The following FAHD2B variants were observed in gnomAD, a reference collection of about 807,000 sequenced individuals.
FAHD2B encodes oxaloacetate tautomerase FAHD2B, mitochondrial.
FAHD2B carries 26 observed loss-of-function variants against 33.7 expected under a neutral mutation model. The ratio of observed to expected loss-of-function variants is 0.77; its 90% CI spans 0.57 to 1.07. The LOEUF (loss-of-function observed/expected upper bound fraction) is 1.07. Among genes scored for constraint, FAHD2B ranks in the 50% least tolerant of loss-of-function variants. The pLI, the probability that FAHD2B is intolerant of heterozygous loss-of-function variation, is 0.00. For synonymous variants in FAHD2B, 108 were observed against 150.9 expected (o/e 0.72, Z 2.08); for missense variants, 272 against 388.1 (o/e 0.70, Z 2.51).
intron 1 of FAHD2B, among the ~76,000 whole-genome samples, chr2:97,092,527 C>G (rs1254821134): frequency 6.6e-6 from 1 of 152,138 alleles, no homozygotes; most frequent in Non-Finnish European, 1.5e-5. Flanking sequence ...AGCACTGTGC[C>G]TGGTGCACAG....
At position 97,084,325 on chromosome 2, in the gene FAHD2B, A is replaced by C; in HGVS notation, c.686-48T>G. 3.1e-6 allele frequency: 5 copies of C among 1,604,974 alleles called. No homozygotes were observed. The South Asian group carries it at 5.6e-5, about 18-fold the overall frequency. On this transcript the variant is annotated intron_variant, in intron 6 of 8. Coordinates refer to ENST00000414820, the MANE Select transcript of FAHD2B (RefSeq NM_001320848.2). ...TGGAGTTATCCCTTTTCCCCCTCAA[A>C]CCCCCCAGTGTTTTACAAACACAAC...
downstream of FAHD2B, chr2:97,082,149 T>G (rs1280690872): frequency 6.4e-6 from 10 of 1,558,142 alleles, no homozygotes; most frequent in East Asian, 2.1e-4. Flanking sequence ...AGGGAGGTGG[T>G]AGGGAGGTGG....
At chr2:97,084,058 A>G (rs367665505) in intron 7 of FAHD2B, 23 bp from the exon 8 acceptor site, 12 of 1,610,008 alleles carry the variant, frequency 7.5e-6, no homozygotes, top group East Asian at 2.2e-5. Context: ...AAAAGGACCC[A>G]GTGAGACCAG....
At chr2:97,082,802 C>T, downstream of FAHD2B, 1 of 1,323,128 alleles carries the variant, frequency 7.6e-7, no homozygotes, top group Non-Finnish European at 1.1e-6. Flanking sequence ...CCTGCTCCCA[C>T]CCCAATAGAG....
chr2:97,082,191 T>A, downstream of FAHD2B: 1 of 1,528,454 alleles, frequency 6.5e-7, no homozygotes, highest in Non-Finnish European at 8.8e-7. Context: ...GCCTGTCCCC[T>A]CCAGCTCAGC....
At chr2:97,089,336 T>C (rs978008932) in intron 4 of FAHD2B, among the ~76,000 whole-genome samples, 1 of 151,116 alleles carries the variant, frequency 6.6e-6, no homozygotes, top group Non-Finnish European at 1.5e-5. Context: ...CTGGCCAACA[T>C]GGTAAAACCC....
downstream of FAHD2B, chr2:97,082,038 G>A: frequency 3.8e-6 from 6 of 1,584,246 alleles, no homozygotes; most frequent in Non-Finnish European, 5.1e-6. Flanking sequence ...GCAGAAAGCT[G>A]CTGTGGAAAC....
At chr2:97,083,028 G>T, downstream of FAHD2B, 7 of 1,122,010 alleles carry the variant, frequency 6.2e-6, no homozygotes, top group Non-Finnish European at 8.7e-6. Context: ...CAAACACTGA[G>T]GTCTAAGGGG....
downstream of FAHD2B, chr2:97,082,197 T>C (rs1351268022): frequency 6.5e-7 from 1 of 1,528,412 alleles, no homozygotes; most frequent in African/African-American, 1.4e-5. Flanking sequence ...CCCCTCCAGC[T>C]CAGCCAGCAG....
At chr2:97,094,344 G>A (rs1027322465) in intron 1 of FAHD2B, among the ~76,000 whole-genome samples, 29 of 147,580 alleles carry the variant, frequency 2.0e-4, no homozygotes, top group African/African-American at 6.8e-4. Context: ...GACGTCAGGT[G>A]CCCAAGGTAC....
chr2:97,082,882 C>T, downstream of FAHD2B: 1 of 773,200 alleles, frequency 1.3e-6, no homozygotes, highest in Admixed American at 2.1e-5. Context: ...CATTAAGACC[C>T]TGGGATTTAC....
In FAHD2B at chr2:97,086,224, G is replaced by A. The variant is rs1436245207; in HGVS notation, c.463-26C>T. 1.9e-6 allele frequency: 3 copies of A among 1,608,904 alleles called. No homozygotes were observed. In the African/African-American group the frequency reaches 4.0e-5, roughly 22 times the overall value. The stretch of plus-strand genomic sequence containing the variant: ...CTGTAGGGTGGGAGAGGAATAGTGA[G>A]CCGCAGTGGCTTCGGGGCCCATTAT... On this transcript the variant is annotated intron_variant, in intron 4 of 8. Coordinates refer to ENST00000414820, the MANE Select transcript of FAHD2B (RefSeq NM_001320848.2).
At chr2:97,083,875 T>C (rs1290201332) in intron 8 of FAHD2B, 58 bp from the exon 9 acceptor site, 3 of 1,613,952 alleles carry the variant, frequency 1.9e-6, no homozygotes, top group Admixed American at 1.7e-5. Flanking sequence ...TACACAAGCC[T>C]GTACTTCTCA....
downstream of FAHD2B, among the ~76,000 whole-genome samples, chr2:97,079,830 AAT>A (rs1010167591): frequency 6.6e-6 from 1 of 151,594 alleles, no homozygotes; most frequent in African/African-American, 2.4e-5. Context: ...ACGCCCAGCT[AAT>A]GTTTATATTT....
intron 1 of FAHD2B, among the ~76,000 whole-genome samples, chr2:97,093,383 C>T (rs988699024): frequency 6.6e-6 from 1 of 151,992 alleles, no homozygotes; most frequent in African/African-American, 2.4e-5. Flanking sequence ...AGTGCACACA[C>T]TCAGACACTC....
chr2:97,082,628 CA>C (rs977855312), downstream of FAHD2B: 34 of 1,551,070 alleles, frequency 2.2e-5, no homozygotes, highest in Non-Finnish European at 2.9e-5. Flanking sequence ...CTTCTTTAAA[CA>C]AGAGGAGAGA....
chr2:97,079,232 C>T (rs192916956), downstream of FAHD2B, among the ~76,000 whole-genome samples: 391 of 151,496 alleles, frequency 2.6e-3, 3 homozygotes, highest in African/African-American at 9.0e-3. Context: ...GCAATGGACG[C>T]ATGCATGCAT....
At chr2:97,084,621 G>C (rs2031842436) in intron 6 of FAHD2B, among the ~76,000 whole-genome samples, 1 of 152,040 alleles carries the variant, frequency 6.6e-6, no homozygotes, top group African/African-American at 2.4e-5. Flanking sequence ...ATGACTCCCG[G>C]GCAGGGCCAA....
intron 3 of FAHD2B, among the ~76,000 whole-genome samples, chr2:97,090,724 T>C (rs2032288522): frequency 1.3e-5 from 2 of 151,982 alleles, no homozygotes; most frequent in Admixed American, 6.6e-5. Context: ...ACTTTGGAGA[T>C]CTCTGCTTAA....
Sources: allele counts gnomAD v4.1 joint callset (sites outside exome capture counted in the v4.1 genomes callset), GRCh38; gene constraint gnomAD v4.1.1; transcripts MANE v1.5; gene names NCBI Gene and HGNC (gene_info 2026-07-23, HGNC 2026-07-21).